Variants in THADA observed in about 807,000 individuals in gnomAD.
THADA encodes the protein THADA armadillo repeat containing.
Under a neutral mutation model 219.8 loss-of-function variants are expected in THADA, and 213 were observed. That is an observed-to-expected ratio of 0.97 (90% CI 0.87 to 1.09). THADA has a LOEUF of 1.09. Ranked by LOEUF, THADA falls within the 50% of genes least tolerant of loss-of-function variation. THADA has a pLI of 0.00. For synonymous variants in THADA, 1,018 were observed against 828.9 expected (o/e 1.23, Z -3.92); for missense variants, 2,956 against 2,311.3 (o/e 1.28, Z -5.72).
chr2:43,431,649 T>TCACCGTGTTAGCCAGGATGG (rs1558750565), intron 26 of THADA, among the ~76,000 whole-genome samples: 7 of 35,936 alleles, frequency 1.9e-4, no homozygotes, highest in African/African-American at 4.5e-4. Flanking sequence ...GTACTTTTTT[T>TCACCGTGTTAGCCAGGATGG]TTTTTTTTTT....
intron 29 of THADA, among the ~76,000 whole-genome samples, chr2:43,394,627 G>C (rs1348671725): frequency 6.6e-6 from 1 of 152,134 alleles, no homozygotes; most frequent in Non-Finnish European, 1.5e-5. Flanking sequence ...GAATCTATAA[G>C]CTGTAGAAAG....
chr2:43,331,410 T>A (rs1275749555), intron 30 of THADA, among the ~76,000 whole-genome samples: 1 of 152,196 alleles, frequency 6.6e-6, no homozygotes, highest in Non-Finnish European at 1.5e-5. Context: ...CTAAGCGAGG[T>A]TGGAAAGATG....
chr2:43,517,728 T>C (rs920550493), intron 22 of THADA, among the ~76,000 whole-genome samples: 1 of 152,144 alleles, frequency 6.6e-6, no homozygotes, highest in African/African-American at 2.4e-5. Flanking sequence ...CCTACTAGGG[T>C]CCATAAATAT....
intron 26 of THADA, among the ~76,000 whole-genome samples, chr2:43,480,715 G>A: frequency 6.6e-6 from 1 of 151,876 alleles, no homozygotes. Flanking sequence ...CTACTCGGGA[G>A]GCTGAGGCAG....
rs1682066729 is a variant in THADA at position 43,449,679 on chromosome 2, G to C, written c.3837-19377C>G. Among the ~76,000 whole-genome samples, 5 of 152,164 alleles carry C rather than the reference G, an allele frequency of 3.3e-5. No homozygotes were observed. The South Asian group carries it at 1.0e-3, about 32-fold the overall frequency. On this transcript the variant is annotated intron_variant, in intron 26 of 37. Transcript: ENST00000405975. ...AGCTACTTGGGAAGCTGAGGTGGGA[G>C]AATCACTTGAACCCAGGAGGTCAAA...
chr2:43,571,664 CA>C, intron 13 of THADA, 42 bp downstream of exon 13: 1 of 1,561,140 alleles, frequency 6.4e-7, no homozygotes. Context: ...ATTTCCCAAA[CA>C]AAGTTCACCA....
chr2:43,321,807 C>T (rs35338810), intron 30 of THADA, among the ~76,000 whole-genome samples: 29,382 of 152,122 alleles, frequency 0.19, 2,984 homozygotes, highest in Middle Eastern at 0.25. Context: ...GCAGATGTTC[C>T]AGAACTGTCC....
intron 29 of THADA, among the ~76,000 whole-genome samples, chr2:43,364,898 T>C (rs1347949648): frequency 6.6e-6 from 1 of 152,124 alleles, no homozygotes; most frequent in East Asian, 1.9e-4. Flanking sequence ...ATTTAGATTA[T>C]TGTAATTGTG....
intron 36 of THADA, among the ~76,000 whole-genome samples, chr2:43,249,541 G>T (rs1447378029): frequency 6.6e-6 from 1 of 152,146 alleles, no homozygotes; most frequent in Admixed American, 6.5e-5. Flanking sequence ...AGGCCCAAAT[G>T]TCCTACATCC....
intron 30 of THADA, among the ~76,000 whole-genome samples, chr2:43,326,676 A>G (rs1478717039): frequency 6.6e-6 from 1 of 152,204 alleles, no homozygotes; most frequent in Non-Finnish European, 1.5e-5. Context: ...ATGAGTCAAC[A>G]GGGGCCCGAA....
rs944103515 is a variant in THADA at position 43,444,844 on chromosome 2, C to T, written c.3837-14542G>A. 3.3e-5 allele frequency among the ~76,000 whole-genome samples: 5 copies of T among 151,978 alleles called. No homozygotes were observed. The East Asian group carries it at 5.8e-4, about 18-fold the overall frequency. ...ATGTACAGAGGTATAAAAAGAAAAG[C>T]TAGCAAAGGCAAGCAAAGCCACCAT... is the stretch of plus-strand genomic sequence containing the variant. On this transcript the variant is annotated intron_variant, in intron 26 of 37. Transcript: ENST00000405975.
At chr2:43,244,923 T>C (rs1272735041) in intron 36 of THADA, among the ~76,000 whole-genome samples, 4 of 152,128 alleles carry the variant, frequency 2.6e-5, no homozygotes, top group African/African-American at 9.7e-5. Context: ...AGCCCTCTTC[T>C]TTCCTCCCTA....
At chr2:43,341,203 A>G (rs1667027071) in intron 30 of THADA, among the ~76,000 whole-genome samples, 1 of 152,190 alleles carries the variant, frequency 6.6e-6, no homozygotes, top group South Asian at 2.1e-4. Context: ...CGGAAAGTTC[A>G]CACTTGGATA....
At chr2:43,585,409 T>C (rs550124007) in intron 7 of THADA, among the ~76,000 whole-genome samples, 164 of 150,624 alleles carry the variant, frequency 1.1e-3, no homozygotes, top group Non-Finnish European at 1.8e-3. Flanking sequence ...TCCCAGCTAC[T>C]TGGGAGACTG....
chr2:43,492,619 G>GA, intron 25 of THADA, among the ~76,000 whole-genome samples: 1 of 152,070 alleles, frequency 6.6e-6, no homozygotes, highest in Non-Finnish European at 1.5e-5. Context: ...CGTGGTAGCA[G>GA]AAAAAAATAT....
intron 36 of THADA, among the ~76,000 whole-genome samples, chr2:43,273,868 C>T (rs999014349): frequency 2.0e-5 from 3 of 152,138 alleles, no homozygotes; most frequent in Admixed American, 6.5e-5. Context: ...CTCACGGGCT[C>T]TGTGTGGGTG....
In THADA at chr2:43,232,749, A is replaced by T. The variant is rs1558439454; in HGVS notation, c.5430T>A (p.Ser1810Arg). 6.2e-7 allele frequency: 1 copy of T among 1,613,470 alleles called. No homozygotes were observed. The highest frequency in any genetic ancestry group is 1.7e-5 in the Admixed American group (1 of 59,966). The change falls in exon 37 of 38, where the codon AGT becomes AGA. Residue 1810 changes from serine to arginine, a missense_variant. Ser to Arg is a moderately radical substitution (Grantham distance 110). Transcript: ENST00000405975. ...PILLGWLLGE[S>R]DDLVACVESM... Reference sequence around the variant, plus strand: ...TCTCCACACAGGCCACGAGGTCATCACTCTCTCCCAACAGCCATCCCAGCA... The same window carrying T: ...TCTCCACACAGGCCACGAGGTCATCTCTCTCTCCCAACAGCCATCCCAGCA...
intron 26 of THADA, 26 bp from the exon 27 acceptor site, chr2:43,430,328 A>G (rs777748267): frequency 2.6e-5 from 34 of 1,303,552 alleles, no homozygotes; most frequent in Non-Finnish European, 3.3e-5. Flanking sequence ...GAAAAAATTT[A>G]TTATCATTTA....
chr2:43,521,196 G>C (rs536215705), intron 22 of THADA, among the ~76,000 whole-genome samples: 88 of 151,810 alleles, frequency 5.8e-4, no homozygotes, highest in Middle Eastern at 3.4e-3. Context: ...AGGAAGGAAA[G>C]AGGGAAGGAA....
Sources: gnomAD v4.1 joint callset for allele counts (sites outside exome capture counted in the v4.1 genomes callset) on GRCh38, gnomAD v4.1.1 for gene constraint, MANE v1.5 for transcripts, NCBI Gene and HGNC (gene_info 2026-07-23, HGNC 2026-07-21) for gene names.